The following HORMAD2 variants were observed in gnomAD, a reference collection of about 807,000 sequenced individuals.
HORMAD2 encodes the protein HORMA domain containing 2, also known as HORMA domain-containing protein 2.
A neutral mutation model predicts 38.8 loss-of-function variants in HORMAD2; 45 were observed. The observed-to-expected ratio is 1.16, with a 90% CI of 0.91 to 1.49. The LOEUF (loss-of-function observed/expected upper bound fraction) is 1.49, where lower values mean the gene tolerates loss of function less well. Ranked by LOEUF, HORMAD2 falls within the 40% of genes most tolerant of loss-of-function variation. HORMAD2 has a pLI of 0.00. For missense variants in HORMAD2, 338 were observed against 367.0 expected (o/e 0.92, Z 0.65); for synonymous variants, 126 against 122.8 (o/e 1.03, Z -0.17).
At chr22:30,186,908 G>C in the HORMAD2 span, among the ~76,000 whole-genome samples, 1 of 151,330 alleles carries the variant, frequency 6.6e-6, no homozygotes, top group East Asian at 2.0e-4. Flanking sequence ...AAGGGGTTGG[G>C]GGTGGGGGGG....
At chr22:30,090,912 A>G (rs2068669796) in intron 1 of HORMAD2, among the ~76,000 whole-genome samples, 1 of 152,190 alleles carries the variant, frequency 6.6e-6, no homozygotes, top group Non-Finnish European at 1.5e-5. Context: ...TGGTCACTCT[A>G]CAGTGCTATA....
the HORMAD2 span, chr22:30,207,196 A>G: frequency 2.3e-6 from 1 of 429,310 alleles, no homozygotes; most frequent in South Asian, 1.7e-5. Context: ...AAGGTGAATG[A>G]CACAATGTTT....
At chr22:30,090,062 C>A (rs868106030) in intron 1 of HORMAD2, among the ~76,000 whole-genome samples, 9 of 152,086 alleles carry the variant, frequency 5.9e-5, no homozygotes, top group African/African-American at 1.9e-4. Flanking sequence ...AACTTCATTC[C>A]TTTTTAAGAT....
the HORMAD2 span, among the ~76,000 whole-genome samples, chr22:30,185,817 G>T: frequency 6.6e-6 from 1 of 150,804 alleles, no homozygotes; most frequent in Admixed American, 6.6e-5. Context: ...CTTTATAGAA[G>T]AACCTCTGCT....
At chr22:30,115,268 A>T (rs1921954192) in intron 7 of HORMAD2, among the ~76,000 whole-genome samples, 1 of 152,104 alleles carries the variant, frequency 6.6e-6, no homozygotes, top group Admixed American at 6.6e-5. Flanking sequence ...CTGGGACTGC[A>T]GTTGTTCGCC....
chr22:30,125,632 T>C (rs1042832475), intron 10 of HORMAD2, among the ~76,000 whole-genome samples: 4 of 152,184 alleles, frequency 2.6e-5, no homozygotes, highest in Non-Finnish European at 4.4e-5. Flanking sequence ...CCTTAAGAAA[T>C]CCTCTACCTA....
At chr22:30,121,918 T>C in intron 9 of HORMAD2, 46 bp from the exon 10 acceptor site, 1 of 1,582,756 alleles carries the variant, frequency 6.3e-7, no homozygotes, top group Non-Finnish European at 8.6e-7. Context: ...GGATTTGTTG[T>C]ATTGAAACTC....
the HORMAD2 span, among the ~76,000 whole-genome samples, chr22:30,204,522 C>T: frequency 6.6e-6 from 1 of 152,200 alleles, no homozygotes; most frequent in African/African-American, 2.4e-5. Context: ...GGGCCCCAGG[C>T]ACACTGGGGT....
At chr22:30,110,494 TC>T (rs1349969328) in intron 5 of HORMAD2, among the ~76,000 whole-genome samples, 2 of 150,696 alleles carry the variant, frequency 1.3e-5, no homozygotes, top group Admixed American at 1.3e-4. Context: ...CAAGCAATTC[TC>T]CTGTTTCAGC....
the HORMAD2 span, among the ~76,000 whole-genome samples, chr22:30,205,148 G>A: frequency 1.3e-5 from 2 of 152,124 alleles, no homozygotes; most frequent in African/African-American, 4.8e-5. Flanking sequence ...TTCTGCATGT[G>A]GATCCTCTTA....
At chr22:30,172,866 C>T (rs1048013906) in intron 10 of HORMAD2, among the ~76,000 whole-genome samples, 8 of 149,000 alleles carry the variant, frequency 5.4e-5, no homozygotes, top group Admixed American at 2.0e-4. Flanking sequence ...CTAGCCTGGG[C>T]GACAGAATGA....
At chr22:30,168,861 A>T (rs1165527528) in intron 10 of HORMAD2, among the ~76,000 whole-genome samples, 1 of 151,924 alleles carries the variant, frequency 6.6e-6, no homozygotes, top group Non-Finnish European at 1.5e-5. Context: ...TGCCATAGGG[A>T]TCTTTCTAAA....
chr22:30,199,833 G>A, the HORMAD2 span, among the ~76,000 whole-genome samples: 41 of 151,538 alleles, frequency 2.7e-4, no homozygotes, highest in Middle Eastern at 3.4e-3. Context: ...AGGATGGCCC[G>A]GGCACGTGGC....
chr22:30,164,376 C>A (rs1371204312), intron 10 of HORMAD2, among the ~76,000 whole-genome samples: 1 of 152,180 alleles, frequency 6.6e-6, no homozygotes, highest in Non-Finnish European at 1.5e-5. Context: ...AACTGCCCTA[C>A]TATTTTCCAT....
At chr22:30,179,780 C>T (rs142229613), downstream of HORMAD2, among the ~76,000 whole-genome samples, 3 of 152,250 alleles carry the variant, frequency 2.0e-5, no homozygotes, top group Non-Finnish European at 4.4e-5. Flanking sequence ...GATTGGCCAG[C>T]GTTTCTGGTA....
chr22:30,175,576 C>A (rs145271643), intron 10 of HORMAD2, among the ~76,000 whole-genome samples: 9 of 152,110 alleles, frequency 5.9e-5, no homozygotes, highest in African/African-American at 2.2e-4. Flanking sequence ...CACTAACCAA[C>A]TTCCCTTTCA....
At chr22:30,124,779 G>C (rs1922716352) in intron 10 of HORMAD2, among the ~76,000 whole-genome samples, 1 of 152,128 alleles carries the variant, frequency 6.6e-6, no homozygotes, top group Admixed American at 6.5e-5. Flanking sequence ...CTGTCAAAGA[G>C]TGTCTCTTGG....
At position 30,176,210 on chromosome 22, in the gene HORMAD2, T is replaced by C. The variant is rs1262367999; in HGVS notation, c.*43T>C. The C allele has an allele frequency of 6.0e-6, 8 of 1,324,494 alleles. No individual in the cohort carries two copies. The highest frequency in any genetic ancestry group is 3.7e-4 in the Middle Eastern group (2 of 5,450). The allele number at this position is 1,324,494 out of a possible 1,614,324, so 82.0% of individuals were successfully genotyped here. A position where few individuals can be genotyped will look rare whatever the true frequency, so the allele number is the denominator to read the frequency against. On this transcript the variant is annotated 3_prime_UTR_variant, in exon 11 of 11. Transcript: ENST00000336726. ...TACATTTATTTTAAAATAAGTTTAT[T>C]TTGTAAAAACATGCATAAACTGTCT...
At chr22:30,111,839 A>G (rs1418030317) in intron 6 of HORMAD2, 23 bp downstream of exon 6, 7 of 1,555,418 alleles carry the variant, frequency 4.5e-6, no homozygotes, top group Non-Finnish European at 6.1e-6. Flanking sequence ...TCATTTAAAG[A>G]CCAAGCCTCT....
Sources: gnomAD v4.1 joint callset for allele counts (sites outside exome capture counted in the v4.1 genomes callset) on GRCh38, gnomAD v4.1.1 for gene constraint, MANE v1.5 for transcripts, NCBI Gene and HGNC (gene_info 2026-07-23, HGNC 2026-07-21) for gene names.